Variants in HDAC9 observed in about 807,000 individuals in gnomAD.
The protein encoded by HDAC9 is MEF-2 interacting transcription repressor (MITR) protein.
HDAC9 carries 41 observed loss-of-function variants against 139.4 expected under a neutral mutation model. The observed-to-expected ratio is 0.29, with a 90% CI of 0.23 to 0.38. The LOEUF is 0.38. Ranked by LOEUF, HDAC9 falls within the 10% of genes least tolerant of loss-of-function variation. HDAC9 has a pLI of 1.00. For missense variants in HDAC9, 1,147 were observed against 1,297.0 expected, an observed-to-expected ratio of 0.88 and a Z score of 1.78; for synonymous variants, 517 against 476.2, an observed-to-expected ratio of 1.09 and a Z score of -1.12.
Position 18,495,905 on chromosome 7 carries a change from T to A in HDAC9, c.-160T>A, listed in dbSNP as rs1796814440. ...GGTAGACTTAATAATTTTCTACGTA[T>A]TCTGACAAAGAAATAACCCCGAAGC... is the stretch of plus-strand genomic sequence containing the variant. On this transcript the variant is annotated 5_prime_UTR_variant, in exon 1 of 26. Transcript: ENST00000686413. 1 of 1,193,098 alleles carries A rather than the reference T, an allele frequency of 8.4e-7. No homozygotes were observed. The highest frequency in any genetic ancestry group is 1.6e-5 in the African/African-American group (1 of 63,722). The allele number at this position is 1,193,098 out of a possible 1,614,324, so 73.9% of individuals were successfully genotyped here.
intron 1 of HDAC9, among the ~76,000 whole-genome samples, chr7:18,292,104 A>AT (rs939958062): frequency 3.3e-5 from 5 of 151,736 alleles, no homozygotes; most frequent in Non-Finnish European, 5.9e-5. Context: ...TCCCTAAGCT[A>AT]TTTTTTTTCT....
At chr7:18,517,454 C>A (rs1029787391) in intron 2 of HDAC9, among the ~76,000 whole-genome samples, 3 of 152,116 alleles carry the variant, frequency 2.0e-5, no homozygotes, top group Admixed American at 6.6e-5. Flanking sequence ...TTGTGTGATG[C>A]GAGAGCTGCC....
chr7:18,667,459 T>A lies in HDAC9; in HGVS notation c.1731+983T>A, dbSNP rs994446273. On this transcript the variant is annotated intron_variant, in intron 12 of 25. Coordinates refer to ENST00000686413, the MANE Select transcript of HDAC9 (RefSeq NM_178425.4). Reference sequence around the variant, plus strand: ...ACCGTAACATTCTGGCAAATAACAATTAGAAAAGATAGGTTTAACAAAAAA... The same window carrying A: ...ACCGTAACATTCTGGCAAATAACAAATAGAAAAGATAGGTTTAACAAAAAA... 4.1e-6 allele frequency: 4 copies of A among 984,310 alleles called. No individual in the cohort carries two copies. In the African/African-American group the frequency reaches 7.0e-5, roughly 17 times the overall value. The allele number at this position is 984,310 out of a possible 1,614,324, so 61.0% of individuals were successfully genotyped here. A position where few individuals can be genotyped will look rare whatever the true frequency, so the allele number is the denominator to read the frequency against.
intron 2 of HDAC9, among the ~76,000 whole-genome samples, chr7:18,551,997 C>G (rs1817307701): frequency 6.6e-6 from 1 of 152,098 alleles, no homozygotes; most frequent in African/African-American, 2.4e-5. Flanking sequence ...ATAGATAGTA[C>G]TTTTTGAGGC....
chr7:18,153,742 G>A (rs1273849264), intron 1 of HDAC9, among the ~76,000 whole-genome samples: 3 of 152,316 alleles, frequency 2.0e-5, no homozygotes, highest in African/African-American at 7.2e-5. Context: ...GGAGGGATAA[G>A]GAGTAAACAG....
intron 16 of HDAC9, among the ~76,000 whole-genome samples, chr7:18,782,084 A>C (rs1035059053): frequency 2.6e-5 from 4 of 152,094 alleles, no homozygotes; most frequent in African/African-American, 9.7e-5. Context: ...ATCATTATTT[A>C]AGCTTAAACT....
At chr7:18,950,212 T>G (rs1391885438) in intron 23 of HDAC9, among the ~76,000 whole-genome samples, 1 of 152,090 alleles carries the variant, frequency 6.6e-6, no homozygotes, top group Non-Finnish European at 1.5e-5. Context: ...CTCCTCTAAT[T>G]ATTGGCATGG....
chr7:18,793,150 G>A (rs1300958995), intron 16 of HDAC9, 195 bp from the exon 17 acceptor site: 1 of 572,186 alleles, frequency 1.7e-6, no homozygotes, highest in Non-Finnish European at 3.1e-6. Context: ...ATGTCCAGAA[G>A]GCCTTTTCAG....
intron 1 of HDAC9, among the ~76,000 whole-genome samples, chr7:18,477,089 A>G (rs796842601): frequency 1.3e-5 from 2 of 152,302 alleles, no homozygotes; most frequent in African/African-American, 2.4e-5. Context: ...GGCATTGACA[A>G]TGTTCACCTT....
chr7:18,288,453 T>G (rs985845710), upstream of HDAC9, among the ~76,000 whole-genome samples: 1 of 152,192 alleles, frequency 6.6e-6, no homozygotes, highest in Non-Finnish European at 1.5e-5. Context: ...CACTCAACCC[T>G]CCAGTCTTTC....
At chr7:18,323,589 C>CT (rs1772180525) in intron 1 of HDAC9, among the ~76,000 whole-genome samples, 1 of 152,058 alleles carries the variant, frequency 6.6e-6, no homozygotes. Context: ...GAAGTGGAGC[C>CT]TAGAGGCATT....
intron 2 of HDAC9, among the ~76,000 whole-genome samples, chr7:18,257,828 T>C (rs187064532): frequency 6.6e-6 from 1 of 152,210 alleles, no homozygotes; most frequent in Admixed American, 6.5e-5. Context: ...AATTGCATAA[T>C]GCCTAAGCAT....
chr7:18,556,501 C>T (rs1333097105), intron 2 of HDAC9, among the ~76,000 whole-genome samples: 5 of 151,932 alleles, frequency 3.3e-5, no homozygotes, highest in African/African-American at 1.2e-4. Flanking sequence ...TAGCAGTATC[C>T]TATGTGATCA....
intron 2 of HDAC9, among the ~76,000 whole-genome samples, chr7:18,544,163 G>A (rs1813948811): frequency 6.6e-6 from 1 of 152,226 alleles, no homozygotes; most frequent in Non-Finnish European, 1.5e-5. Flanking sequence ...TTAGCTAATT[G>A]ATGTTGCTGG....
At chr7:18,751,527 A>G (rs934979160) in intron 14 of HDAC9, among the ~76,000 whole-genome samples, 1 of 152,128 alleles carries the variant, frequency 6.6e-6, no homozygotes, top group Non-Finnish European at 1.5e-5. Flanking sequence ...CAAAACACCC[A>G]TATTAGCGAA....
chr7:18,401,078 G>A (rs191991259), intron 1 of HDAC9, among the ~76,000 whole-genome samples: 3 of 152,150 alleles, frequency 2.0e-5, no homozygotes, highest in Non-Finnish European at 4.4e-5. Context: ...CCTACTTTTT[G>A]TTCAGCTTTC....
intron 1 of HDAC9, among the ~76,000 whole-genome samples, chr7:18,366,006 G>A (rs970993047): frequency 4.7e-5 from 7 of 150,350 alleles, no homozygotes; most frequent in African/African-American, 9.8e-5. Flanking sequence ...CTGTCACCAC[G>A]CAAAGCAACC....
intron 2 of HDAC9, among the ~76,000 whole-genome samples, chr7:18,550,048 A>G (rs1816596328): frequency 6.6e-6 from 1 of 151,066 alleles, no homozygotes. Context: ...TTTTCAACTC[A>G]ATTTTAGTTA....
At chr7:18,635,408 A>C (rs1053326626) in intron 8 of HDAC9, among the ~76,000 whole-genome samples, 1 of 152,030 alleles carries the variant, frequency 6.6e-6, no homozygotes, top group Non-Finnish European at 1.5e-5. Flanking sequence ...TATGAACTCT[A>C]TGTTTGAAGA....
Sources: allele counts gnomAD v4.1 joint callset (sites outside exome capture counted in the v4.1 genomes callset), GRCh38; gene constraint gnomAD v4.1.1; transcripts MANE v1.5; gene names NCBI Gene and HGNC (gene_info 2026-07-23, HGNC 2026-07-21).